KATNAL2: variants seen among roughly 807,000 people sequenced by gnomAD.
The protein encoded by KATNAL2 is katanin p60 ATPase-containing subunit A-like 2.
Under a neutral mutation model 76.3 loss-of-function variants are expected in KATNAL2, and 52 were observed. That is an observed-to-expected ratio of 0.68 (90% CI 0.55 to 0.86). The LOEUF is 0.86. KATNAL2 is among the 40% of genes least tolerant of loss of function. KATNAL2 has a pLI of 0.00. For missense variants in KATNAL2, 660 were observed against 668.9 expected (o/e 0.99, Z 0.15); for synonymous variants, 243 against 244.2 (o/e 1.00, Z 0.05).
intron 3 of KATNAL2, among the ~76,000 whole-genome samples, chr18:46,952,558 C>A (rs764870057): frequency 1.3e-5 from 2 of 152,008 alleles, no homozygotes; most frequent in Non-Finnish European, 2.9e-5. Flanking sequence ...TACCACCACG[C>A]CCGGCTAACT....
rs893713160 is a variant in KATNAL2, at chr18:47,102,212, A to G, written c.*1207A>G. On this transcript the variant is annotated 3_prime_UTR_variant, in exon 18 of 18. Transcript: ENST00000683218. Reference sequence around the variant, plus strand: ...GTCAAATTGAAAATATACCTTATTTAACAAATTGAAAATAAAAAAGATTTC... The same window carrying G: ...GTCAAATTGAAAATATACCTTATTTGACAAATTGAAAATAAAAAAGATTTC... 6.6e-6 allele frequency: 1 copy of G among 152,236 alleles called. No homozygotes were observed. Among genetic ancestry groups the G allele is most frequent in the African/African-American group, 2.4e-5 (1 of 41,450 alleles). The allele number at this position is 152,236 out of a possible 1,614,324, so 9.4% of individuals were successfully genotyped here.
chr18:47,032,077 T>G (rs183676101), intron 3 of KATNAL2, among the ~76,000 whole-genome samples: 1 of 152,370 alleles, frequency 6.6e-6, no homozygotes, highest in East Asian at 1.9e-4. Context: ...TTTAGACTTC[T>G]TGATTCAGAA....
chr18:47,034,806 A>G (rs61743594), intron 3 of KATNAL2: 23,975 of 1,611,472 alleles, frequency 0.015, 504 homozygotes, highest in Non-Finnish European at 0.018. Context: ...ACTTTCTCTC[A>G]GCTCTGGGCT....
rs199698765 is a variant in KATNAL2, at chr18:47,100,901, G to C, written c.1513G>C (p.Val505Leu). ...CTTACCCAGGATCCAGTTGGATATA[G>C]TAACCACTGCCGACTTTCTGGATGT... ...SDLPRIQLDI[V>L]TTADFLDVLT... The change falls in exon 18 of 18, where the codon GTA becomes CTA. Residue 505 changes from valine to leucine, a missense_variant. Physicochemically the swap from Val to Leu is conservative, Grantham distance 32. Coordinates refer to ENST00000683218, the MANE Select transcript of KATNAL2 (RefSeq NM_001387690.1). The C allele has an allele frequency of 1.7e-5, 27 of 1,614,030 alleles. No homozygotes were observed. Among genetic ancestry groups the C allele is most frequent in the Non-Finnish European group, 2.2e-5 (26 of 1,180,042 alleles).
intron 5 of KATNAL2, 139 bp downstream of exon 5, chr18:47,053,185 T>C: frequency 3.0e-6 from 2 of 664,946 alleles, no homozygotes; most frequent in Non-Finnish European, 5.0e-6. Context: ...GCCATTCTCA[T>C]ATCCAGCACA....
At chr18:47,048,492 G>A (rs890527609) in intron 4 of KATNAL2, among the ~76,000 whole-genome samples, 1 of 152,224 alleles carries the variant, frequency 6.6e-6, no homozygotes, top group African/African-American at 2.4e-5. Flanking sequence ...TTAGCAGACA[G>A]GCAGGCCATC....
chr18:47,033,794 C>T (rs771358188), intron 3 of KATNAL2: 7 of 1,614,228 alleles, frequency 4.3e-6, no homozygotes, highest in African/African-American at 1.3e-5. Flanking sequence ...GAAGAGAGTG[C>T]TTCTGGCTTT....
At chr18:47,051,663 G>A (rs1490853854) in intron 4 of KATNAL2, among the ~76,000 whole-genome samples, 4 of 152,192 alleles carry the variant, frequency 2.6e-5, no homozygotes, top group Non-Finnish European at 5.9e-5. Flanking sequence ...AAGTATAGAA[G>A]GTGATTGGCT....
intron 1 of KATNAL2, among the ~76,000 whole-genome samples, chr18:46,939,898 AC>A (rs1167211882): frequency 6.6e-6 from 1 of 151,872 alleles, no homozygotes; most frequent in East Asian, 1.9e-4. Flanking sequence ...AGTAAAATAC[AC>A]CCCCTTCATT....
chr18:46,921,090 T>C lies in KATNAL2; in HGVS notation c.-510+3164T>C, dbSNP rs191179829. The stretch of plus-strand genomic sequence containing the variant: ...AGAAGATTCATTATAAGTACTGTGA[T>C]TAAAGTGTCCTAAGTTTTTTTGTTT... On this transcript the variant is annotated intron_variant, in intron 1 of 17. Transcript: ENST00000683218. 3.3e-3 allele frequency among the ~76,000 whole-genome samples: 504 copies of C among 152,332 alleles called. 3 individuals are homozygous for C. The highest frequency in any genetic ancestry group is 0.011 in the African/African-American group (471 of 41,574).
intron 3 of KATNAL2, among the ~76,000 whole-genome samples, chr18:47,031,460 C>A (rs551559630): frequency 7.9e-5 from 12 of 151,948 alleles, no homozygotes; most frequent in African/African-American, 2.9e-4. Context: ...GGGTGTGTTT[C>A]TTCTGCAGAA....
intron 3 of KATNAL2, among the ~76,000 whole-genome samples, chr18:46,961,557 G>A (rs938735610): frequency 1.3e-5 from 2 of 152,192 alleles, no homozygotes; most frequent in African/African-American, 2.4e-5. Context: ...AACTTACAAT[G>A]AGGGTTTTAA....
intron 15 of KATNAL2, chr18:47,084,382 A>T: frequency 1.4e-6 from 1 of 702,942 alleles, no homozygotes; most frequent in East Asian, 2.7e-5. Context: ...CCCTGCCTGC[A>T]ATCAAGGTCT....
chr18:46,959,159 C>G (rs923856435), intron 3 of KATNAL2, among the ~76,000 whole-genome samples: 2 of 152,238 alleles, frequency 1.3e-5, no homozygotes, highest in Non-Finnish European at 2.9e-5. Flanking sequence ...ATTTAAGCAT[C>G]TATTGAAATA....
chr18:47,034,181 T>C, intron 3 of KATNAL2: 1 of 1,614,130 alleles, frequency 6.2e-7, no homozygotes, highest in Non-Finnish European at 8.5e-7. Context: ...GAGAGGGAGC[T>C]CACGGACGTT....
Position 47,054,857 on chromosome 18 carries a change from G to C in KATNAL2, c.332+419G>C, listed in dbSNP as rs1014769708. ...ATTTAGTTAATTTCAAGCACTCCCA[G>C]ATCAGATGTCCTGACCTGTCTGAAG... On this transcript the variant is annotated intron_variant, in intron 6 of 17. Coordinates refer to ENST00000683218, the MANE Select transcript of KATNAL2 (RefSeq NM_001387690.1). 5.3e-5 allele frequency among the ~76,000 whole-genome samples: 8 copies of C among 152,218 alleles called. 1 individual carries two copies. The highest frequency in any genetic ancestry group is 5.2e-4 in the Admixed American group (8 of 15,276).
chr18:47,036,186 A>C (rs1434530), intron 3 of KATNAL2, among the ~76,000 whole-genome samples: 8,598 of 152,264 alleles, frequency 0.056, 504 homozygotes, highest in African/African-American at 0.14. Flanking sequence ...CAGGTTCCAC[A>C]TCATGACTGC....
chr18:47,095,601 G>A (rs2063197372), intron 15 of KATNAL2, among the ~76,000 whole-genome samples: 1 of 152,198 alleles, frequency 6.6e-6, no homozygotes, highest in African/African-American at 2.4e-5. Context: ...TCATAGCAGT[G>A]TGAGAATGGA....
At chr18:46,941,901 G>A (rs563758637) in intron 1 of KATNAL2, among the ~76,000 whole-genome samples, 1 of 152,248 alleles carries the variant, frequency 6.6e-6, no homozygotes, top group Non-Finnish European at 1.5e-5. Flanking sequence ...GCAATGGTGA[G>A]CGCACACTTG....
Sources: gnomAD v4.1 joint callset for allele counts (sites outside exome capture counted in the v4.1 genomes callset) on GRCh38, gnomAD v4.1.1 for gene constraint, MANE v1.5 for transcripts, NCBI Gene and HGNC (gene_info 2026-07-23, HGNC 2026-07-21) for gene names.